Variants in SATB1 observed in about 807,000 individuals in gnomAD.
The protein encoded by SATB1 is SATB homeobox 1.
A neutral mutation model predicts 86.9 loss-of-function variants in SATB1; 11 were observed. That is an observed-to-expected ratio of 0.13 (90% CI 0.08 to 0.21). The LOEUF is 0.21. SATB1 is among the 10% of genes least tolerant of loss of function. The pLI is 1.00. For missense variants in SATB1, 551 were observed against 937.6 expected, an observed-to-expected ratio of 0.59 and a Z score of 5.39; for synonymous variants, 357 against 357.2, an observed-to-expected ratio of 1.00 and a Z score of 0.01.
At chr3:18,377,001 T>C (rs1337060625) in intron 9 of SATB1, among the ~76,000 whole-genome samples, 1 of 152,216 alleles carries the variant, frequency 6.6e-6, no homozygotes, top group Non-Finnish European at 1.5e-5. Context: ...TTAATCATTT[T>C]TATATAACAT....
intron 5 of SATB1, among the ~76,000 whole-genome samples, chr3:18,401,638 C>T (rs1045585040): frequency 1.3e-5 from 2 of 152,128 alleles, no homozygotes; most frequent in African/African-American, 4.8e-5. Flanking sequence ...AGTTCAAATG[C>T]TACACGGTAC....
chr3:18,417,778 C>A, intron 2 of SATB1: 2 of 627,132 alleles, frequency 3.2e-6, no homozygotes, highest in South Asian at 1.8e-5. Context: ...GCACGGTACC[C>A]ATAAGTCTTT....
Position 18,348,338 on chromosome 3 carries a change from A to G in SATB1, c.*832T>C, listed in dbSNP as rs1037563054. ...CTTTTTATAGGCAACTGTGTAAAGCACATTTTCTCTATTTAAAACTTTTAA... is the reference window on the plus strand; with the variant it reads ...CTTTTTATAGGCAACTGTGTAAAGCGCATTTTCTCTATTTAAAACTTTTAA... On this transcript the variant is annotated 3_prime_UTR_variant, in exon 11 of 11. Transcript: ENST00000338745. The G allele has an allele frequency of 2.6e-5, 4 of 152,650 alleles. No homozygotes were observed. Among genetic ancestry groups the G allele is most frequent in the African/African-American group, 9.6e-5 (4 of 41,478 alleles). 9.5% of individuals were successfully genotyped at this position (152,650 alleles called of 1,614,324 possible).
chr3:18,351,105 C>T (rs1369917574), intron 10 of SATB1: 2 of 563,750 alleles, frequency 3.5e-6, no homozygotes, highest in East Asian at 6.2e-5. Context: ...TCTAAATTCA[C>T]AGAAGAGTGT....
Position 18,386,918 on chromosome 3 carries a change from C to G in SATB1, c.1207-307G>C, listed in dbSNP as rs765004006. On this transcript the variant is annotated intron_variant, in intron 7 of 10. Coordinates refer to ENST00000338745, the MANE Select transcript of SATB1 (RefSeq NM_002971.6). The surrounding 1 kb of genome is among the most constrained non-coding windows in gnomAD (Gnocchi z 4.5). ...ACGATCCAGGGAAGTTAAGAATAAACGAAATCCTTATAATGCAACAGCACT... is the reference window on the plus strand; with the variant it reads ...ACGATCCAGGGAAGTTAAGAATAAAGGAAATCCTTATAATGCAACAGCACT... Among the ~76,000 whole-genome samples the G allele has an allele frequency of 6.6e-6, 1 of 152,092 alleles. No homozygotes were observed. Among genetic ancestry groups the G allele is most frequent in the African/African-American group, 2.4e-5 (1 of 41,388 alleles).
intron 9 of SATB1, among the ~76,000 whole-genome samples, chr3:18,353,327 C>A (rs1045870517): frequency 6.6e-6 from 1 of 152,106 alleles, no homozygotes; most frequent in African/African-American, 2.4e-5. Context: ...CTTCTTGCTC[C>A]CTCCATCAAT....
At chr3:18,399,154 G>T (rs975790373) in intron 5 of SATB1, among the ~76,000 whole-genome samples, 2 of 152,148 alleles carry the variant, frequency 1.3e-5, no homozygotes, top group Non-Finnish European at 2.9e-5. Context: ...TTACTTTTTA[G>T]AAGTGTATGG....
At chr3:18,429,451 C>G (rs1477031382), upstream of SATB1, among the ~76,000 whole-genome samples, 1 of 152,220 alleles carries the variant, frequency 6.6e-6, no homozygotes, top group Non-Finnish European at 1.5e-5. The surrounding 1 kb of genome is among the most constrained non-coding windows in gnomAD (Gnocchi z 4.1). Context: ...GGGAAACAAT[C>G]TACTTGTTCA....
chr3:18,375,411 G>A (rs1035774081), intron 9 of SATB1, among the ~76,000 whole-genome samples: 6 of 152,138 alleles, frequency 3.9e-5, no homozygotes, highest in African/African-American at 1.4e-4. Context: ...GACAACCAGG[G>A]CAAGACACAG....
intron 5 of SATB1, among the ~76,000 whole-genome samples, chr3:18,412,602 T>G (rs942139189): frequency 1.3e-5 from 2 of 152,238 alleles, no homozygotes; most frequent in Middle Eastern, 3.4e-3. Flanking sequence ...AGAAAGGGCT[T>G]AACACTTGGC....
intron 9 of SATB1, among the ~76,000 whole-genome samples, chr3:18,367,058 T>A (rs568308104): frequency 6.6e-6 from 1 of 152,314 alleles, no homozygotes; most frequent in South Asian, 2.1e-4. Flanking sequence ...TCTATTTTAC[T>A]TTCCTGAAGG....
At chr3:18,375,322 G>A (rs1033132078) in intron 9 of SATB1, among the ~76,000 whole-genome samples, 5 of 152,126 alleles carry the variant, frequency 3.3e-5, no homozygotes, top group African/African-American at 1.2e-4. Context: ...ATAGCTCACA[G>A]GGTTACTAAA....
intron 5 of SATB1, among the ~76,000 whole-genome samples, chr3:18,412,384 C>T (rs993639405): frequency 1.3e-5 from 2 of 152,080 alleles, no homozygotes; most frequent in African/African-American, 2.4e-5. Context: ...TTCCACTCCT[C>T]CTGGCCCCTG....
At chr3:18,371,224 A>G (rs1695465813) in intron 9 of SATB1, among the ~76,000 whole-genome samples, 1 of 152,160 alleles carries the variant, frequency 6.6e-6, no homozygotes, top group African/African-American at 2.4e-5. Context: ...AGGAGAATAG[A>G]TTTTCTATTA....
intron 9 of SATB1, among the ~76,000 whole-genome samples, chr3:18,370,566 GAAAAGAAAAGA>G (rs1559407575): frequency 0.033 from 2,382 of 73,136 alleles, 38 homozygotes; most frequent in African/African-American, 0.058. Flanking sequence ...AAAAGAAAAA[GAAAAGAAAAGA>G]AAAAAAAAAC....
intron 7 of SATB1, among the ~76,000 whole-genome samples, chr3:18,389,737 C>T (rs1696547750): frequency 1.3e-5 from 2 of 152,004 alleles, no homozygotes; most frequent in African/African-American, 4.8e-5. Flanking sequence ...CATTGGCGCT[C>T]AATAAATTTG....
At position 18,433,853 on chromosome 3, in the gene SATB1, T is replaced by C. The variant is rs559767472; in HGVS notation, c.-25+2936A>G. Among the ~76,000 whole-genome samples the C allele has an allele frequency of 5.3e-5, 8 of 152,200 alleles. No homozygotes were observed. The East Asian group carries it at 9.6e-4, about 18-fold the overall frequency. On this transcript the variant is annotated intron_variant, in intron 2 of 3. Coordinates refer to the SATB1 transcript ENST00000414509. The stretch of plus-strand genomic sequence containing the variant: ...CTAGCATGGACTATACATGGACATT[T>C]TGAGCCAACATGAAGGAAAAAGTTG...
At chr3:18,430,264 C>T (rs1239663169), upstream of SATB1, among the ~76,000 whole-genome samples, 5 of 152,148 alleles carry the variant, frequency 3.3e-5, no homozygotes, top group Non-Finnish European at 1.5e-5. Flanking sequence ...CTTAGAGGTG[C>T]TAAATGGCTT....
chr3:18,441,404 T>C (rs891623522), upstream of SATB1, among the ~76,000 whole-genome samples: 1 of 152,120 alleles, frequency 6.6e-6, no homozygotes, highest in East Asian at 1.9e-4. Context: ...AATCAATATA[T>C]TGAAAAGGGA....
Sources: allele counts gnomAD v4.1 joint callset (sites outside exome capture counted in the v4.1 genomes callset), GRCh38; gene constraint gnomAD v4.1.1; non-coding constraint Gnocchi (gnomAD v3.1); transcripts MANE v1.5; gene names NCBI Gene and HGNC (gene_info 2026-07-23, HGNC 2026-07-21).